Variants in DYRK1A observed in about 807,000 individuals in gnomAD.
The protein encoded by DYRK1A is dual specificity tyrosine phosphorylation regulated kinase 1A.
Under a neutral mutation model 79.7 loss-of-function variants are expected in DYRK1A, and 9 were observed. The ratio of observed to expected loss-of-function variants is 0.11; its 90% CI spans 0.07 to 0.20. DYRK1A has a LOEUF of 0.20. Among genes scored for constraint, DYRK1A ranks in the 10% least tolerant of loss-of-function variants. DYRK1A has a pLI of 1.00. For missense variants in DYRK1A, 622 were observed against 956.0 expected (o/e 0.65, Z 4.61); for synonymous variants, 349 against 329.7 (o/e 1.06, Z -0.63).
intron 1 of DYRK1A, among the ~76,000 whole-genome samples, chr21:37,404,176 T>TA (rs1370651775): frequency 6.6e-6 from 1 of 152,078 alleles, no homozygotes; most frequent in Non-Finnish European, 1.5e-5. Flanking sequence ...AATAAACAAA[T>TA]ATAAATTGAT....
intron 3 of DYRK1A, among the ~76,000 whole-genome samples, chr21:37,475,961 A>G (rs1452600054): frequency 6.6e-6 from 1 of 152,222 alleles, no homozygotes; most frequent in African/African-American, 2.4e-5. Context: ...ACTAATTTTA[A>G]TAAATGCCTT....
At chr21:37,400,467 A>G (rs1276992923) in intron 1 of DYRK1A, among the ~76,000 whole-genome samples, 3 of 152,248 alleles carry the variant, frequency 2.0e-5, no homozygotes, top group Non-Finnish European at 4.4e-5. Flanking sequence ...ACTTGTAGAT[A>G]TATCATAAGT....
chr21:37,371,649 T>C (rs2049432240), intron 1 of DYRK1A, among the ~76,000 whole-genome samples: 1 of 152,234 alleles, frequency 6.6e-6, no homozygotes, highest in Non-Finnish European at 1.5e-5. Context: ...TTTGACAAGT[T>C]ACATAATTTT....
intron 4 of DYRK1A, 59 bp downstream of exon 4, chr21:37,478,359 T>C: frequency 6.5e-7 from 1 of 1,531,106 alleles, no homozygotes; most frequent in Non-Finnish European, 8.9e-7. Context: ...AGAAAAAAAG[T>C]GTGACCTATT....
At chr21:37,473,000 A>G in intron 3 of DYRK1A, 120 bp downstream of exon 3, 1 of 756,010 alleles carries the variant, frequency 1.3e-6, no homozygotes, top group Non-Finnish European at 1.9e-6. Flanking sequence ...ACGTGGGATT[A>G]TGGATTGGGA....
At chr21:37,394,922 C>T (rs938966111) in intron 1 of DYRK1A, among the ~76,000 whole-genome samples, 12 of 152,180 alleles carry the variant, frequency 7.9e-5, no homozygotes, top group African/African-American at 1.9e-4. Flanking sequence ...TCCTGGGTTA[C>T]GTGTTACAGT....
chr21:37,390,524 T>C lies in DYRK1A; in HGVS notation c.-77+22896T>C, dbSNP rs199855615. On this transcript the variant is annotated intron_variant, in intron 1 of 11. Coordinates refer to ENST00000647188, the MANE Select transcript of DYRK1A (RefSeq NM_001347721.2). ...GTTGCCCCCATAGTGTAGTGTTCTT[T>C]ATGGGGAGAGAATGTTGCCTAGGAT... is the stretch of plus-strand genomic sequence containing the variant. Among the ~76,000 whole-genome samples the C allele has an allele frequency of 1.8e-4, 28 of 152,324 alleles. No homozygotes were observed. In the East Asian group the frequency reaches 5.2e-3, roughly 28 times the overall value.
At position 37,386,316 on chromosome 21, in the gene DYRK1A, C is replaced by G. The variant is rs186062785; in HGVS notation, c.-77+18688C>G. On this transcript the variant is annotated intron_variant, in intron 1 of 11. Coordinates refer to ENST00000647188, the MANE Select transcript of DYRK1A (RefSeq NM_001347721.2). ...CATCTCTCCACCCCCAACCCCCACC[C>G]TGTCCTTTGAAAAATTGTCTTCCAC... is the stretch of plus-strand genomic sequence containing the variant. 2.6e-5 allele frequency among the ~76,000 whole-genome samples: 4 copies of G among 152,338 alleles called. No homozygotes were observed. The South Asian group carries it at 8.3e-4, about 32-fold the overall frequency.
Position 37,382,695 on chromosome 21 carries a change from A to G in DYRK1A, c.-77+15067A>G, listed in dbSNP as rs375583605. 5.9e-4 allele frequency among the ~76,000 whole-genome samples: 90 copies of G among 152,326 alleles called. No homozygotes were observed. In the South Asian group the frequency reaches 7.0e-3, roughly 12 times the overall value. On this transcript the variant is annotated intron_variant, in intron 1 of 11. Coordinates refer to ENST00000647188, the MANE Select transcript of DYRK1A (RefSeq NM_001347721.2). ...GTAACAGTAACAATAGCTACTATTA[A>G]TCAGTTACCTGCAGCAGACCAGCCA...
intron 2 of DYRK1A, 92 bp from the exon 3 acceptor site, chr21:37,472,592 A>G (rs1460130355): frequency 3.5e-6 from 4 of 1,141,802 alleles, no homozygotes; most frequent in African/African-American, 3.1e-5. Flanking sequence ...TGAATATCCT[A>G]AAGTTCTTAT....
Position 37,519,917 on chromosome 21 carries a change from G to A in DYRK1A, c.*7386G>A, listed in dbSNP as rs2053922464. On this transcript the variant is annotated 3_prime_UTR_variant, in exon 12 of 12. Coordinates refer to ENST00000647188, the MANE Select transcript of DYRK1A (RefSeq NM_001347721.2). The stretch of plus-strand genomic sequence containing the variant: ...CCACCACGCCCGGCTAATTTTTTTT[G>A]TGTATTTTTAGTAGAGATGGGGTTT... 6.6e-6 allele frequency: 1 copy of A among 151,696 alleles called. No individual in the cohort carries two copies. The highest frequency in any genetic ancestry group is 2.4e-5 in the African/African-American group (1 of 41,212). The allele number at this position is 151,696 out of a possible 1,614,324, so 9.4% of individuals were successfully genotyped here.
chr21:37,381,124 A>G (rs900493065), intron 1 of DYRK1A, among the ~76,000 whole-genome samples: 2 of 152,224 alleles, frequency 1.3e-5, no homozygotes, highest in Non-Finnish European at 2.9e-5. Flanking sequence ...TGCTTGGCAC[A>G]TAGTAAACAC....
intron 2 of DYRK1A, among the ~76,000 whole-genome samples, chr21:37,469,400 G>C (rs1468681839): frequency 6.6e-6 from 1 of 152,162 alleles, no homozygotes; most frequent in Non-Finnish European, 1.5e-5. Flanking sequence ...TGTAAAGCAA[G>C]GTAATGGACA....
At chr21:37,413,182 T>C (rs2050274578) in intron 1 of DYRK1A, among the ~76,000 whole-genome samples, 1 of 152,180 alleles carries the variant, frequency 6.6e-6, no homozygotes, top group Non-Finnish European at 1.5e-5. Flanking sequence ...ACTTTACTGC[T>C]TTTAGTAATA....
chr21:37,436,490 C>T (rs2050928182), intron 2 of DYRK1A, among the ~76,000 whole-genome samples: 1 of 152,094 alleles, frequency 6.6e-6, no homozygotes, highest in African/African-American at 2.4e-5. Context: ...CAGGGCTGTC[C>T]ACTTTTTGTG....
rs375252922 is a variant in DYRK1A, at chr21:37,404,361, A to G, written c.-76-15938A>G. ...GTCTGTGGCTGGGTAGGGACCCCAG[A>G]TCCCCCAGACTTGCTCATTGTCTAT... On this transcript the variant is annotated intron_variant, in intron 1 of 11. Transcript: ENST00000647188. Among the ~76,000 whole-genome samples, 14 of 152,240 alleles carry G rather than the reference A, an allele frequency of 9.2e-5. No individual in the cohort carries two copies. The East Asian group carries it at 2.5e-3, about 27-fold the overall frequency.
chr21:37,426,901 A>C (rs7281087), intron 2 of DYRK1A, among the ~76,000 whole-genome samples: 138,855 of 138,884 alleles, frequency 1, 69,413 homozygotes, highest in Middle Eastern at 1. Context: ...GCTTGGGCTA[A>C]AGAGCGAGAC....
intron 1 of DYRK1A, among the ~76,000 whole-genome samples, chr21:37,413,525 T>C (rs1382564753): frequency 6.6e-6 from 1 of 152,194 alleles, no homozygotes; most frequent in Non-Finnish European, 1.5e-5. Flanking sequence ...ATAAGCTAGT[T>C]ATGAGAAGGG....
chr21:37,426,440 A>G (rs956611520), intron 2 of DYRK1A, among the ~76,000 whole-genome samples: 2 of 152,210 alleles, frequency 1.3e-5, no homozygotes, highest in African/African-American at 2.4e-5. Context: ...AACTTGTTTC[A>G]GAATAATCCC....
Sources: allele counts gnomAD v4.1 joint callset (sites outside exome capture counted in the v4.1 genomes callset), GRCh38; gene constraint gnomAD v4.1.1; transcripts MANE v1.5; gene names NCBI Gene and HGNC (gene_info 2026-07-23, HGNC 2026-07-21).